The following GPR149 variants were observed in gnomAD, a reference collection of about 807,000 sequenced individuals.
GPR149 encodes the protein probable G protein-coupled receptor 149.
A neutral mutation model predicts 50.2 loss-of-function variants in GPR149; 50 were observed. The ratio of observed to expected loss-of-function variants is 1.00; its 90% CI spans 0.79 to 1.26. The LOEUF (loss-of-function observed/expected upper bound fraction) is 1.26, where lower values mean the gene tolerates loss of function less well. GPR149 is among the 50% of genes most tolerant of loss of function. The pLI, the probability that GPR149 is intolerant of heterozygous loss-of-function variation, is 0.00. For missense variants in GPR149, 983 were observed against 895.4 expected, an observed-to-expected ratio of 1.10 and a Z score of -1.25; for synonymous variants, 405 against 358.2, an observed-to-expected ratio of 1.13 and a Z score of -1.48.
At chr3:154,390,248 C>T (rs891485802) in intron 3 of GPR149, among the ~76,000 whole-genome samples, 5 of 151,960 alleles carry the variant, frequency 3.3e-5, no homozygotes, top group African/African-American at 1.2e-4. Context: ...CTTCCAGAAA[C>T]CAACCCTAAT....
chr3:154,410,314 T>A (rs1711801100), intron 3 of GPR149, among the ~76,000 whole-genome samples: 2 of 151,784 alleles, frequency 1.3e-5, no homozygotes, highest in Admixed American at 6.6e-5. Flanking sequence ...TATATAACAA[T>A]AACAATGAAA....
intron 3 of GPR149, among the ~76,000 whole-genome samples, chr3:154,358,806 A>G (rs192844391): frequency 5.3e-4 from 81 of 152,308 alleles, no homozygotes; most frequent in African/African-American, 1.9e-3. Context: ...GTAAGAGACC[A>G]TGTAAGATCC....
Position 154,429,838 on chromosome 3 carries a change from G to C in GPR149, c.-223C>G. 2.5e-6 allele frequency: 1 copy of C among 393,562 alleles called. No homozygotes were observed. Among genetic ancestry groups the C allele is most frequent in the Non-Finnish European group, 4.4e-6 (1 of 224,768 alleles). 24.4% of individuals were successfully genotyped at this position (393,562 alleles called of 1,614,324 possible). ...TTCAAGCATAAAAAAAAAAAAACCC[G>C]AACAGATAACTTTTCAACATTCCAA... On this transcript the variant is annotated 5_prime_UTR_variant, in exon 1 of 4. Transcript: ENST00000389740.
intron 3 of GPR149, among the ~76,000 whole-genome samples, chr3:154,373,385 T>G (rs1435905953): frequency 6.6e-6 from 1 of 152,142 alleles, no homozygotes; most frequent in Non-Finnish European, 1.5e-5. Context: ...ACATACACAT[T>G]CTTTACTACC....
chr3:154,339,556 T>C (rs1164762119), intron 3 of GPR149, among the ~76,000 whole-genome samples: 1 of 152,098 alleles, frequency 6.6e-6, no homozygotes, highest in African/African-American at 2.4e-5. Flanking sequence ...AGCACTGAAA[T>C]TTCTGCATCC....
At position 154,344,716 on chromosome 3, in the gene GPR149, C is replaced by T. The variant is rs77298671; in HGVS notation, c.1624-6445G>A. 5.7e-3 allele frequency among the ~76,000 whole-genome samples: 867 copies of T among 152,158 alleles called. 7 individuals are homozygous for T. Among genetic ancestry groups the T allele is most frequent in the African/African-American group, 0.02 (840 of 41,496 alleles). Reference sequence around the variant, plus strand: ...TATGCTGTCACCAGTCAAGGAACACCAAGGATTGCTGGGAGCCACCAGAAG... The same window carrying T: ...TATGCTGTCACCAGTCAAGGAACACTAAGGATTGCTGGGAGCCACCAGAAG... On this transcript the variant is annotated intron_variant, in intron 3 of 3. Coordinates refer to ENST00000389740, the MANE Select transcript of GPR149 (RefSeq NM_001038705.3).
intron 3 of GPR149, among the ~76,000 whole-genome samples, chr3:154,357,853 C>A (rs576106075): frequency 6.6e-6 from 1 of 152,214 alleles, no homozygotes; most frequent in South Asian, 2.1e-4. Flanking sequence ...ATGTTTATTG[C>A]GGCACTTTTC....
At chr3:154,399,206 T>C (rs781758850) in intron 3 of GPR149, among the ~76,000 whole-genome samples, 1 of 152,146 alleles carries the variant, frequency 6.6e-6, no homozygotes, top group Non-Finnish European at 1.5e-5. Context: ...GATATTTTCC[T>C]ATAGTAAGTA....
intron 3 of GPR149, among the ~76,000 whole-genome samples, chr3:154,403,304 T>C (rs1040374075): frequency 6.6e-6 from 1 of 152,162 alleles, no homozygotes; most frequent in African/African-American, 2.4e-5. Flanking sequence ...CAGGATGAAA[T>C]TTAACAGAGA....
chr3:154,360,981 T>C (rs1714365090), intron 3 of GPR149, among the ~76,000 whole-genome samples: 1 of 152,204 alleles, frequency 6.6e-6, no homozygotes, highest in Admixed American at 6.5e-5. Context: ...AAGACTGCTC[T>C]GTTCTTTCTT....
chr3:154,369,726 A>C (rs1714618834), intron 3 of GPR149, among the ~76,000 whole-genome samples: 1 of 152,260 alleles, frequency 6.6e-6, no homozygotes, highest in African/African-American at 2.4e-5. Context: ...GGAAATTCTC[A>C]AATGATCCTT....
intron 3 of GPR149, among the ~76,000 whole-genome samples, chr3:154,399,182 C>T (rs1326343845): frequency 6.6e-6 from 1 of 152,030 alleles, no homozygotes; most frequent in Non-Finnish European, 1.5e-5. Flanking sequence ...TTGAGAACCA[C>T]TGGCTGGATT....
intron 3 of GPR149, among the ~76,000 whole-genome samples, chr3:154,374,249 A>G (rs1402821395): frequency 7.2e-6 from 1 of 138,234 alleles, no homozygotes; most frequent in African/African-American, 2.7e-5. Flanking sequence ...ATCTTGGCTC[A>G]CTGCAACTTC....
At chr3:154,374,987 G>A (rs1714758039) in intron 3 of GPR149, among the ~76,000 whole-genome samples, 1 of 152,160 alleles carries the variant, frequency 6.6e-6, no homozygotes, top group Non-Finnish European at 1.5e-5. Context: ...TAGTTATATG[G>A]CAGCTTTTGG....
intron 3 of GPR149, among the ~76,000 whole-genome samples, chr3:154,351,029 T>C (rs1265028646): frequency 6.6e-6 from 1 of 152,106 alleles, no homozygotes; most frequent in Non-Finnish European, 1.5e-5. Flanking sequence ...CTGAATATTT[T>C]TGATCCAAAG....
intron 3 of GPR149, among the ~76,000 whole-genome samples, chr3:154,377,394 T>C (rs1173335445): frequency 1.5e-5 from 2 of 129,818 alleles, no homozygotes; most frequent in East Asian, 4.1e-4. Context: ...TATTACTGAG[T>C]CTCATTCTGT....
rs1711795728 is a variant in GPR149, at chr3:154,410,176, A to G, written c.1623+10863T>C. ...AGACACAGTTTTTTTCAGACAAACA[A>G]ATGCTGAGAGAATTTGCCACTACCA... On this transcript the variant is annotated intron_variant, in intron 3 of 3. Transcript: ENST00000389740. Among the ~76,000 whole-genome samples the G allele has an allele frequency of 2.0e-5, 3 of 152,156 alleles. No individual in the cohort carries two copies. The South Asian group carries it at 6.2e-4, about 31-fold the overall frequency.
chr3:154,358,033 C>G (rs1053694407), intron 3 of GPR149, among the ~76,000 whole-genome samples: 2 of 151,728 alleles, frequency 1.3e-5, no homozygotes, highest in African/African-American at 4.8e-5. Flanking sequence ...AGCAAACTAT[C>G]GCAAGGACAA....
chr3:154,406,105 G>GA (rs1205504071), intron 3 of GPR149, among the ~76,000 whole-genome samples: 1 of 151,718 alleles, frequency 6.6e-6, no homozygotes, highest in African/African-American at 2.4e-5. Context: ...ATAAAAATTG[G>GA]AAAAAATAAT....
Sources: gnomAD v4.1 joint callset for allele counts (sites outside exome capture counted in the v4.1 genomes callset) on GRCh38, gnomAD v4.1.1 for gene constraint, MANE v1.5 for transcripts, NCBI Gene and HGNC (gene_info 2026-07-23, HGNC 2026-07-21) for gene names.